Variants in CERS6 observed in about 807,000 individuals in gnomAD.
CERS6 encodes ceramide synthase 6.
In CERS6, 26 loss-of-function variants were observed where a neutral mutation model predicts 56.8. The ratio of observed to expected loss-of-function variants is 0.46; its 90% CI spans 0.34 to 0.63. The LOEUF (loss-of-function observed/expected upper bound fraction) is 0.63. Ranked by LOEUF, CERS6 falls within the 30% of genes least tolerant of loss-of-function variation. CERS6 has a pLI of 0.01. For missense variants in CERS6, 415 were observed against 467.5 expected, an observed-to-expected ratio of 0.89 and a Z score of 1.04; for synonymous variants, 164 against 173.3, an observed-to-expected ratio of 0.95 and a Z score of 0.42.
intron 1 of CERS6, among the ~76,000 whole-genome samples, chr2:168,545,008 A>G (rs1396293768): frequency 6.6e-6 from 1 of 152,020 alleles, no homozygotes; most frequent in Non-Finnish European, 1.5e-5. Flanking sequence ...TGTAAATGCT[A>G]TGATATGAAA....
At chr2:168,717,835 T>C in intron 7 of CERS6, 37 bp from the exon 8 acceptor site, 1 of 1,491,138 alleles carries the variant, frequency 6.7e-7, no homozygotes, top group Non-Finnish European at 9.3e-7. Flanking sequence ...ATTATCAGTT[T>C]AACTACATTA....
chr2:168,552,349 TACACACACACACACACACACACACAC>T, intron 2 of CERS6, among the ~76,000 whole-genome samples: 1 of 140,100 alleles, frequency 7.1e-6, no homozygotes, highest in African/African-American at 2.7e-5. Flanking sequence ...ATACAGAGTA[TACACACACACACACACACACACACAC>T]ACACACACAC....
Position 168,611,387 on chromosome 2 carries a change from AC to A in CERS6, c.408-19595del, listed in dbSNP as rs1223307350. Among the ~76,000 whole-genome samples the A allele has an allele frequency of 2.0e-5, 3 of 152,266 alleles. No individual in the cohort carries two copies. The East Asian group carries it at 5.8e-4, about 29-fold the overall frequency. On this transcript the variant is annotated intron_variant, in intron 3 of 9. Transcript: ENST00000305747. ...TCCTCAATTGCCTTAACCTGCCTAG[AC>A]CCTGTAGAGATTTAAGTTTGCAACT...
intron 4 of CERS6, among the ~76,000 whole-genome samples, chr2:168,666,885 G>T (rs1297189150): frequency 6.6e-6 from 1 of 152,092 alleles, no homozygotes; most frequent in African/African-American, 2.4e-5. Flanking sequence ...TTTCTCAAGG[G>T]CTCAAACGAG....
At chr2:168,689,219 A>G (rs1281492217) in intron 4 of CERS6, among the ~76,000 whole-genome samples, 6 of 152,236 alleles carry the variant, frequency 3.9e-5, no homozygotes, top group Admixed American at 1.3e-4. Context: ...ATAAACATGC[A>G]TATGACTTAA....
intron 4 of CERS6, among the ~76,000 whole-genome samples, chr2:168,663,147 C>G (rs943450438): frequency 1.3e-5 from 2 of 152,236 alleles, no homozygotes; most frequent in East Asian, 3.9e-4. Context: ...TGCTTTTGAG[C>G]TACTGATTTT....
At chr2:168,760,767 T>TTTAC (rs1157147816) in intron 8 of CERS6, among the ~76,000 whole-genome samples, 3 of 149,614 alleles carry the variant, frequency 2.0e-5, no homozygotes, top group African/African-American at 7.6e-5. Context: ...TATTTATTTA[T>TTTAC]TTTTTTGAGA....
intron 1 of CERS6, among the ~76,000 whole-genome samples, chr2:168,538,180 A>G (rs1366255855): frequency 6.6e-6 from 1 of 151,500 alleles, no homozygotes; most frequent in Non-Finnish European, 1.5e-5. Flanking sequence ...GACAGAATAA[A>G]TCATTTAGGT....
intron 8 of CERS6, among the ~76,000 whole-genome samples, chr2:168,761,308 T>C (rs1684575718): frequency 6.6e-6 from 1 of 152,066 alleles, no homozygotes; most frequent in South Asian, 2.1e-4. Context: ...TAAATCCTGA[T>C]GCAGTGTTTC....
At chr2:168,767,751 A>G (rs16855816) in intron 9 of CERS6, among the ~76,000 whole-genome samples, 11,872 of 152,252 alleles carry the variant, frequency 0.078, 580 homozygotes, top group Non-Finnish European at 0.1. Flanking sequence ...CAGGATTCTC[A>G]TGTTAGAGTG....
chr2:168,649,310 C>T (rs545645586), intron 4 of CERS6, among the ~76,000 whole-genome samples: 2 of 152,228 alleles, frequency 1.3e-5, no homozygotes, highest in South Asian at 4.1e-4. Flanking sequence ...TGGCATCAGC[C>T]CCAGGTCGTG....
intron 3 of CERS6, among the ~76,000 whole-genome samples, chr2:168,613,410 G>A (rs892880863): frequency 1.3e-5 from 2 of 152,154 alleles, no homozygotes; most frequent in African/African-American, 4.8e-5. Flanking sequence ...ACAGACCAAG[G>A]GTGGTCTGTG....
At chr2:168,583,208 GGT>G (rs1426212082) in intron 3 of CERS6, among the ~76,000 whole-genome samples, 3 of 152,128 alleles carry the variant, frequency 2.0e-5, no homozygotes, top group African/African-American at 4.8e-5. Context: ...ATGACAGTGT[GGT>G]GTAGGAATAG....
At chr2:168,724,854 G>A (rs1189902278) in intron 8 of CERS6, among the ~76,000 whole-genome samples, 2 of 152,250 alleles carry the variant, frequency 1.3e-5, no homozygotes, top group Admixed American at 1.3e-4. Flanking sequence ...TCCCCCACCG[G>A]GGCTGCAGGT....
At chr2:168,573,490 T>A (rs1696028379) in intron 3 of CERS6, among the ~76,000 whole-genome samples, 1 of 152,192 alleles carries the variant, frequency 6.6e-6, no homozygotes, top group African/African-American at 2.4e-5. Flanking sequence ...ATATTATTTT[T>A]ATTTTTCAAA....
chr2:168,528,650 G>GAGAAATTTGCAAACAAATTTGTT (rs1553488362), intron 1 of CERS6, among the ~76,000 whole-genome samples: 4 of 151,992 alleles, frequency 2.6e-5, no homozygotes, highest in Non-Finnish European at 5.9e-5. Flanking sequence ...AGAAGAACTA[G>GAGAAATTTGCAAACAAATTTGTT]AGGTTCATAG....
intron 3 of CERS6, among the ~76,000 whole-genome samples, chr2:168,591,581 C>T (rs1348654847): frequency 2.6e-5 from 4 of 152,190 alleles, no homozygotes; most frequent in African/African-American, 9.6e-5. Flanking sequence ...CTAAAACCTT[C>T]AATGAAGAAA....
chr2:168,464,736 A>G (rs1351481307), intron 1 of CERS6, among the ~76,000 whole-genome samples: 1 of 152,074 alleles, frequency 6.6e-6, no homozygotes, highest in Non-Finnish European at 1.5e-5. Context: ...GTAATGGATT[A>G]TCTAAATTCT....
intron 9 of CERS6, among the ~76,000 whole-genome samples, chr2:168,768,716 GCCAACA>G (rs1684785227): frequency 6.6e-6 from 1 of 151,774 alleles, no homozygotes; most frequent in Non-Finnish European, 1.5e-5. Context: ...GACCAGCCTG[GCCAACA>G]TAGTGAAACC....
Sources: gnomAD v4.1 joint callset for allele counts (sites outside exome capture counted in the v4.1 genomes callset) on GRCh38, gnomAD v4.1.1 for gene constraint, MANE v1.5 for transcripts, NCBI Gene and HGNC (gene_info 2026-07-23, HGNC 2026-07-21) for gene names.